The following CACNA1C variants were observed in gnomAD, a reference collection of about 807,000 sequenced individuals.
The protein encoded by CACNA1C is calcium voltage-gated channel subunit alpha1 C.
In CACNA1C, 30 loss-of-function variants were observed where a neutral mutation model predicts 229.0. The observed-to-expected ratio is 0.13, with a 90% CI of 0.10 to 0.18. The LOEUF is 0.18. Among genes scored for constraint, CACNA1C ranks in the 10% least tolerant of loss-of-function variants. CACNA1C has a pLI of 1.00. For synonymous variants in CACNA1C, 1,114 were observed against 1,132.5 expected (o/e 0.98, Z 0.33); for missense variants, 1,658 against 2,845.0 (o/e 0.58, Z 9.49).
At chr12:2,680,388 G>A (rs1312608629) in intron 42 of CACNA1C, 7 of 1,558,150 alleles carry the variant, frequency 4.5e-6, no homozygotes, top group Admixed American at 1.9e-5. Flanking sequence ...CATGCTGGAT[G>A]GTGGGACCTT....
At chr12:2,116,755 A>C (rs1039986355) in intron 2 of CACNA1C, among the ~76,000 whole-genome samples, 5 of 152,228 alleles carry the variant, frequency 3.3e-5, no homozygotes, top group African/African-American at 1.2e-4. Context: ...CCCCAGGGTC[A>C]TGTGGTCAGG....
intron 3 of CACNA1C, among the ~76,000 whole-genome samples, chr12:2,239,514 G>A (rs1320895211): frequency 2.0e-5 from 3 of 152,184 alleles, no homozygotes; most frequent in African/African-American, 7.2e-5. Context: ...CCACCCAGCT[G>A]CTGGGTCTCA....
chr12:2,686,044 G>A (rs1276944265), intron 44 of CACNA1C, 122 bp from the exon 45 acceptor site: 5 of 909,314 alleles, frequency 5.5e-6, no homozygotes, highest in Non-Finnish European at 9.2e-6. Context: ...GACGAGGGGA[G>A]GGGAAAGGAG....
intron 3 of CACNA1C, among the ~76,000 whole-genome samples, chr12:2,374,157 T>C (rs1177154716): frequency 6.6e-6 from 1 of 152,232 alleles, no homozygotes; most frequent in African/African-American, 2.4e-5. Context: ...CACGTTTACT[T>C]ACCAGTGCTC....
At position 2,674,575 on chromosome 12, in the gene CACNA1C, G is replaced by C. The variant is rs756364065; in HGVS notation, c.4761G>C (p.Ala1587=). ...NLEQANEELR[A]IIKKIWKRTS... is the part of the protein sequence containing the mutation. The stretch of plus-strand genomic sequence containing the variant: ...AACAAGCCAATGAGGAGCTGCGGGC[G>C]ATCATCAAGAAGATCTGGAAGCGGA... The change falls in exon 39 of 47, where the codon GCG becomes GCC. Residue 1587 remains alanine, a synonymous_variant. Transcript: ENST00000399655. 5 of 1,573,224 alleles carry C rather than the reference G, an allele frequency of 3.2e-6. No individual in the cohort carries two copies. In the Admixed American group the frequency reaches 7.4e-5, roughly 23 times the overall value.
chr12:2,375,761 C>T (rs2098036221), intron 3 of CACNA1C, among the ~76,000 whole-genome samples: 1 of 152,178 alleles, frequency 6.6e-6, no homozygotes, highest in Non-Finnish European at 1.5e-5. Context: ...CCTAACTTGA[C>T]AATTCTGACA....
intron 22 of CACNA1C, among the ~76,000 whole-genome samples, chr12:2,604,500 G>A (rs892059447): frequency 5.3e-5 from 8 of 151,430 alleles, no homozygotes; most frequent in South Asian, 2.1e-4. Flanking sequence ...CACAAGGCCC[G>A]AGATCCCACC....
chr12:2,341,294 T>A (rs1393951099), intron 3 of CACNA1C, among the ~76,000 whole-genome samples: 4 of 152,246 alleles, frequency 2.6e-5, no homozygotes, highest in African/African-American at 4.8e-5. Flanking sequence ...TTAGAGCACA[T>A]GGTGCGAGCT....
At chr12:2,155,464 T>G (rs1051253362) in intron 3 of CACNA1C, among the ~76,000 whole-genome samples, 2 of 152,202 alleles carry the variant, frequency 1.3e-5, no homozygotes, top group African/African-American at 4.8e-5. Context: ...ATTCCGTACA[T>G]AATGAGTTTT....
At chr12:2,097,349 T>C (rs1489560849) in intron 1 of CACNA1C, among the ~76,000 whole-genome samples, 10 of 151,912 alleles carry the variant, frequency 6.6e-5, no homozygotes, top group Non-Finnish European at 1.5e-4. Flanking sequence ...GGTTTCACCA[T>C]GTTAGCCAGG....
chr12:2,433,240 G>A (rs2099103251), intron 3 of CACNA1C, among the ~76,000 whole-genome samples: 1 of 152,212 alleles, frequency 6.6e-6, no homozygotes, highest in Non-Finnish European at 1.5e-5. Flanking sequence ...GGCATACAGA[G>A]GCCAAGGAGG....
chr12:2,620,260 T>C (rs55956330), intron 29 of CACNA1C, among the ~76,000 whole-genome samples: 138,349 of 151,980 alleles, frequency 0.91, 64,412 homozygotes, highest in East Asian at 1. Context: ...TGCACCCTAA[T>C]ACTGCTCTAA....
chr12:2,648,588 A>G (rs2094580669), intron 31 of CACNA1C, 81 bp downstream of exon 31: 5 of 1,258,484 alleles, frequency 4.0e-6, no homozygotes, highest in Middle Eastern at 1.9e-4. Flanking sequence ...CGAACTCCAG[A>G]GTCCCTGGGA....
chr12:2,363,530 C>T (rs1486338295), intron 3 of CACNA1C, among the ~76,000 whole-genome samples: 1 of 152,206 alleles, frequency 6.6e-6, no homozygotes, highest in Admixed American at 6.5e-5. Flanking sequence ...CTTGTTGAAT[C>T]CTTCCCCAGT....
chr12:2,223,704 A>G (rs993822475), intron 3 of CACNA1C, among the ~76,000 whole-genome samples: 1 of 152,134 alleles, frequency 6.6e-6, no homozygotes, highest in Non-Finnish European at 1.5e-5. Flanking sequence ...CCTCTTATAG[A>G]GTTGTTTTGC....
intron 3 of CACNA1C, among the ~76,000 whole-genome samples, chr12:2,165,324 A>C (rs889000836): frequency 9.2e-5 from 14 of 152,324 alleles, no homozygotes; most frequent in African/African-American, 3.4e-4. Context: ...TGCTAAGGAG[A>C]GATTTTCCAG....
chr12:2,311,905 A>G lies in CACNA1C; in HGVS notation c.478-137071A>G, dbSNP rs149597353. 2.6e-4 allele frequency among the ~76,000 whole-genome samples: 40 copies of G among 152,364 alleles called. No homozygotes were observed. The East Asian group carries it at 7.3e-3, about 28-fold the overall frequency. On this transcript the variant is annotated intron_variant, in intron 3 of 46. Transcript: ENST00000399655. ...AACTGTAAACTTAAAAATGGTTAAC[A>G]TAGTAAATTTTGTGTTATGTATATT...
At chr12:2,609,552 G>T (rs928497960) in intron 27 of CACNA1C, among the ~76,000 whole-genome samples, 1 of 149,830 alleles carries the variant, frequency 6.7e-6, no homozygotes, top group Non-Finnish European at 1.5e-5. Context: ...GTGGAAATGA[G>T]AGAGGATTAG....
chr12:2,608,752 G>T lies in CACNA1C; in HGVS notation c.3558+40G>T, dbSNP rs760667373. On this transcript the variant is annotated intron_variant, in intron 27 of 46. Coordinates refer to ENST00000399655, the MANE Select transcript of CACNA1C (RefSeq NM_000719.7). This position sits in a 1 kb window ranked among gnomAD's most constrained non-coding sequence, Gnocchi z 4.2. ...AGGAGCGGAGGGAAGCGGGGCCCAC[G>T]GAGGGAATGGCAGCCTGCGGCCCAC... is the stretch of plus-strand genomic sequence containing the variant. The T allele has an allele frequency of 4.4e-6, 7 of 1,604,888 alleles. No individual in the cohort carries two copies. In the Admixed American group the frequency reaches 1.2e-4, roughly 27 times the overall value.
Sources: allele counts gnomAD v4.1 joint callset (sites outside exome capture counted in the v4.1 genomes callset), GRCh38; gene constraint gnomAD v4.1.1; non-coding constraint Gnocchi (gnomAD v3.1); transcripts MANE v1.5; gene names NCBI Gene and HGNC (gene_info 2026-07-23, HGNC 2026-07-21).